Variants in FRAS1 observed in about 807,000 individuals in gnomAD.
The protein encoded by FRAS1 is extracellular matrix organizing protein FRAS1.
A neutral mutation model predicts 435.2 loss-of-function variants in FRAS1; 290 were observed. The observed-to-expected ratio is 0.67, with a 90% confidence interval of 0.61 to 0.73. The LOEUF is 0.73. Ranked by LOEUF, FRAS1 falls within the 30% of genes least tolerant of loss-of-function variation. FRAS1 has a pLI of 0.00. For synonymous variants in FRAS1, 1,800 were observed against 1,851.0 expected, an observed-to-expected ratio of 0.97 and a Z score of 0.71; for missense variants, 4,860 against 5,001.5, an observed-to-expected ratio of 0.97 and a Z score of 0.85.
At chr4:78,143,974 T>C (rs1377869512) in intron 2 of FRAS1, among the ~76,000 whole-genome samples, 1 of 146,692 alleles carries the variant, frequency 6.8e-6, no homozygotes, top group East Asian at 2.0e-4. Context: ...AAGCTAGAAA[T>C]CAATCACAAA....
At chr4:78,225,825 T>C (rs1724245720) in intron 2 of FRAS1, among the ~76,000 whole-genome samples, 1 of 152,222 alleles carries the variant, frequency 6.6e-6, no homozygotes, top group Non-Finnish European at 1.5e-5. Flanking sequence ...TGGCTCTCAA[T>C]GTTATTGGAT....
rs771384811 is a variant in FRAS1 at position 78,477,971 on chromosome 4, A to T, written c.8008A>T (p.Thr2670Ser). ...CCAGGCGAAGGTCATTATCAACGAT[A>T]CCGAGGATGAACCCACATTAGAGTT... ...FTQAKVIIND[T>S]EDEPTLEFDK... Residue 2670 changes from threonine (T) to serine (S), a missense_variant, in exon 55 of 74, where the codon ACC (threonine) becomes TCC (serine). Transcript: ENST00000512123. The T allele has an allele frequency of 2.6e-5, 42 of 1,612,910 alleles. No individual in the cohort carries two copies. The highest frequency in any genetic ancestry group is 3.6e-5 in the Non-Finnish European group (42 of 1,179,528).
chr4:78,489,985 A>AAAAAAAAAAAC (rs1720299351), intron 59 of FRAS1, among the ~76,000 whole-genome samples: 1 of 150,986 alleles, frequency 6.6e-6, no homozygotes, highest in African/African-American at 2.4e-5. Context: ...AAAAAAAAAA[A>AAAAAAAAAAAC]AAGAAAAGCA....
chr4:78,082,668 G>C (rs1280485262), intron 2 of FRAS1, among the ~76,000 whole-genome samples: 1 of 152,006 alleles, frequency 6.6e-6, no homozygotes, highest in Non-Finnish European at 1.5e-5. Flanking sequence ...AAACTTTGTG[G>C]AATTCATTCA....
At chr4:78,231,186 A>T (rs1215628718) in intron 2 of FRAS1, among the ~76,000 whole-genome samples, 1 of 151,824 alleles carries the variant, frequency 6.6e-6, no homozygotes, top group African/African-American at 2.4e-5. Context: ...CAAACTCCTG[A>T]CCTCGTGATT....
At position 78,473,591 on chromosome 4, in the gene FRAS1, A is replaced by G. The variant is rs1719775204; in HGVS notation, c.7676A>G (p.Tyr2559Cys). ...HIQWSLISFKYTSYNVSEKAG... is the reference protein window; with the variant it reads ...HIQWSLISFKCTSYNVSEKAG... ...CAGTGGTCACTCATCAGCTTTAAAT[A>G]TACCAGGTACAAGTTTTACTGTGCT... Residue 2559 changes from tyrosine to cysteine, a missense_variant, in exon 53 of 74, where the codon TAT (tyrosine) becomes TGT (cysteine). Coordinates refer to ENST00000512123, the MANE Select transcript of FRAS1 (RefSeq NM_025074.7). 1 of 1,588,034 alleles carries G rather than the reference A, an allele frequency of 6.3e-7. No homozygotes were observed. Among genetic ancestry groups the G allele is most frequent in the Non-Finnish European group, 8.6e-7 (1 of 1,165,712 alleles).
chr4:78,418,862 A>T (rs947523866), intron 32 of FRAS1, 87 bp from the exon 33 acceptor site: 10 of 715,394 alleles, frequency 1.4e-5, no homozygotes, highest in Non-Finnish European at 2.3e-5. Context: ...GCCCAGAGCA[A>T]TTTTTTTTTC....
chr4:78,128,928 T>C lies in FRAS1; in HGVS notation c.108+62912T>C, dbSNP rs1203923188. Among the ~76,000 whole-genome samples, 3 of 152,340 alleles carry C rather than the reference T, an allele frequency of 2.0e-5. No individual in the cohort carries two copies. In the East Asian group the frequency reaches 5.8e-4, roughly 29 times the overall value. ...CTTTAATCCATCTTGAATTAATTTT[T>C]GTATAAGGTGTAAGGAAGGGATCCA... On this transcript the variant is annotated intron_variant, in intron 2 of 73. Coordinates refer to ENST00000512123, the MANE Select transcript of FRAS1 (RefSeq NM_025074.7).
rs377745186 is a variant in FRAS1 at position 78,178,105 on chromosome 4, C to T, written c.109-59405C>T. ...CTTCCAGCTTCAGGCAGCTCCTGGC[C>T]TCCTAGGCTTGTGGCAGCATCACTT... is the stretch of plus-strand genomic sequence containing the variant. On this transcript the variant is annotated intron_variant, in intron 2 of 73. Transcript: ENST00000512123. Among the ~76,000 whole-genome samples the T allele has an allele frequency of 8.5e-5, 13 of 152,282 alleles. No homozygotes were observed. In the East Asian group the frequency reaches 1.2e-3, roughly 14 times the overall value.
intron 14 of FRAS1, among the ~76,000 whole-genome samples, chr4:78,300,042 A>G (rs1159069035): frequency 6.6e-6 from 1 of 152,158 alleles, no homozygotes; most frequent in Non-Finnish European, 1.5e-5. Flanking sequence ...TGTTTTGGTA[A>G]TGACTTTAGA....
intron 12 of FRAS1, 74 bp from the exon 13 acceptor site, chr4:78,284,331 T>A (rs1210429028): frequency 6.6e-7 from 1 of 1,509,874 alleles, no homozygotes; most frequent in East Asian, 2.3e-5. Flanking sequence ...CTTTGTAGAT[T>A]CTTTTCTGAA....
chr4:78,278,712 G>A lies in FRAS1; in HGVS notation c.1039G>A (p.Gly347Ser), dbSNP rs1727179509. The A allele has an allele frequency of 6.2e-7, 1 of 1,604,504 alleles. No individual in the cohort carries two copies. The highest frequency in any genetic ancestry group is 8.5e-7 in the Non-Finnish European group (1 of 1,172,272). The change falls in exon 10 of 74, where the codon GGT (glycine) becomes AGT (serine). Residue 347 changes from glycine to serine, a missense_variant. Transcript: ENST00000512123. ...TTGTCCTGAATGCATTTCAAGGAAT[G>A]GTTATTGTGTTTATGAAGAAACTGG... ...KCCPECISRNGYCVYEETGEF... is the reference protein window; with the variant it reads ...KCCPECISRNSYCVYEETGEF...
chr4:78,235,244 A>G lies in FRAS1; in HGVS notation c.109-2266A>G, dbSNP rs182527456. Among the ~76,000 whole-genome samples the G allele has an allele frequency of 2.6e-5, 4 of 152,330 alleles. No individual in the cohort carries two copies. In the East Asian group the frequency reaches 7.7e-4, roughly 29 times the overall value. On this transcript the variant is annotated intron_variant, in intron 2 of 73. Transcript: ENST00000512123. ...GTACCTCCACAGCGACATTGAGACT[A>G]GTGTTTGACCAAACAAGTGGGCACC...
In FRAS1 at chr4:78,487,946, C is replaced by T. The variant is rs56763193; in HGVS notation, c.8753-929C>T. 8.5e-3 allele frequency among the ~76,000 whole-genome samples: 1,299 copies of T among 152,220 alleles called. 22 individuals carry two copies. Among genetic ancestry groups the T allele is most frequent in the African/African-American group, 0.03 (1,238 of 41,534 alleles). On this transcript the variant is annotated intron_variant, in intron 58 of 73. Transcript: ENST00000512123. The stretch of plus-strand genomic sequence containing the variant: ...CTTGTTTTTAACCATGATTTGACTA[C>T]GGTCTCATCCTTAAGTCAAAGGAGG...
chr4:78,315,588 C>G lies in FRAS1; in HGVS notation c.1679-6C>G. The stretch of plus-strand genomic sequence containing the variant: ...TTTCTCTGATGGGTTTTTTGCCTCC[C>G]CTTAGCTTGTGACCAATCCTGTGAC... On this transcript the variant is annotated splice_polypyrimidine_tract_variant and splice_region_variant and intron_variant, in intron 15 of 73. Transcript: ENST00000512123. 2 of 1,604,024 alleles carry G rather than the reference C, an allele frequency of 1.2e-6. No individual in the cohort carries two copies. The highest frequency in any genetic ancestry group is 1.7e-6 in the Non-Finnish European group (2 of 1,174,854).
At chr4:78,079,879 T>A (rs1186130720) in intron 2 of FRAS1, among the ~76,000 whole-genome samples, 1 of 152,060 alleles carries the variant, frequency 6.6e-6, no homozygotes, top group African/African-American at 2.4e-5. Flanking sequence ...GTTCTAAAAG[T>A]GAAAGCACGC....
intron 14 of FRAS1, among the ~76,000 whole-genome samples, chr4:78,298,166 T>TATATAAA (rs916800922): frequency 6.7e-6 from 1 of 148,646 alleles, no homozygotes; most frequent in African/African-American, 2.5e-5. Context: ...ATATATACCT[T>TATATAAA]ATATAAAATA....
At chr4:78,220,348 T>C (rs914155593) in intron 2 of FRAS1, among the ~76,000 whole-genome samples, 1 of 152,230 alleles carries the variant, frequency 6.6e-6, no homozygotes, top group African/African-American at 2.4e-5. Flanking sequence ...GAAAATGATA[T>C]GTCAGTTCCC....
In FRAS1 at chr4:78,432,511, C is replaced by T; in HGVS notation, c.5124C>T (p.Asp1708=). 11 of 1,613,036 alleles carry T rather than the reference C, an allele frequency of 6.8e-6. No homozygotes were observed. The highest frequency in any genetic ancestry group is 9.3e-6 in the Non-Finnish European group (11 of 1,179,494). ...EVRVEVSLSE[D]RGPRLAAGSS... is the part of the protein sequence containing the mutation. The stretch of plus-strand genomic sequence containing the variant: ...GAGTAGAGGTGTCCCTGTCAGAAGA[C>T]CGAGGGCCTCGACTGGCTGCTGGCT... Residue 1708 remains aspartate, a synonymous_variant, in exon 38 of 74, where the codon GAC becomes GAT. Transcript: ENST00000512123.
Sources: gnomAD v4.1 joint callset for allele counts (sites outside exome capture counted in the v4.1 genomes callset) on GRCh38, gnomAD v4.1.1 for gene constraint, MANE v1.5 for transcripts, NCBI Gene and HGNC (gene_info 2026-07-23, HGNC 2026-07-21) for gene names.